Variants in DBF4 observed in about 807,000 individuals in gnomAD.
DBF4 encodes the protein DBF4-CDC7 kinase regulatory subunit.
In DBF4, 25 loss-of-function variants were observed where a neutral mutation model predicts 76.6. The observed-to-expected ratio is 0.33, with a 90% confidence interval of 0.24 to 0.46. The LOEUF is 0.46. DBF4 is among the 20% of genes least tolerant of loss of function. DBF4 has a pLI of 1.00. For missense variants in DBF4, 638 were observed against 760.8 expected, an observed-to-expected ratio of 0.84 and a Z score of 1.90; for synonymous variants, 213 against 258.0, an observed-to-expected ratio of 0.83 and a Z score of 1.67.
At chr7:87,906,329 T>G (rs554330662) in intron 11 of DBF4, among the ~76,000 whole-genome samples, 14 of 151,920 alleles carry the variant, frequency 9.2e-5, no homozygotes, top group African/African-American at 2.6e-4. Flanking sequence ...AGTAGTTTTT[T>G]TTTTTTTTTT....
chr7:87,881,741 A>G (rs1048681371), intron 2 of DBF4, among the ~76,000 whole-genome samples: 23 of 152,256 alleles, frequency 1.5e-4, no homozygotes, highest in Non-Finnish European at 2.6e-4. Flanking sequence ...TGGAAACCTC[A>G]GACAACTGAA....
chr7:87,901,580 G>C (rs936984725), intron 10 of DBF4, among the ~76,000 whole-genome samples: 1 of 152,196 alleles, frequency 6.6e-6, no homozygotes, highest in African/African-American at 2.4e-5. Context: ...ATAATGGGAA[G>C]AGAAGAGTTG....
chr7:87,879,846 G>A lies in DBF4; in HGVS notation c.219+1621G>A, dbSNP rs118035945. On this transcript the variant is annotated intron_variant, in intron 2 of 11. Transcript: ENST00000265728. The stretch of plus-strand genomic sequence containing the variant: ...TGCATGCCTGTAGTCCCAGCTATTC[G>A]GGAGGCCGAGGCATGAGCATCACTT... 7.0e-3 allele frequency among the ~76,000 whole-genome samples: 1,069 copies of A among 151,996 alleles called. 9 individuals carry two copies. The highest frequency in any genetic ancestry group is 0.049 in the East Asian group (255 of 5,170).
intron 5 of DBF4, 76 bp downstream of exon 5, chr7:87,887,474 A>G (rs1839386951): frequency 1.4e-6 from 2 of 1,443,958 alleles, no homozygotes; most frequent in African/African-American, 1.4e-5. Flanking sequence ...CTGACTTTAC[A>G]TAGTGAAATT....
intron 2 of DBF4, chr7:87,878,435 T>A (rs1007630893): frequency 1.1e-5 from 5 of 468,198 alleles, no homozygotes; most frequent in Admixed American, 3.9e-5. Flanking sequence ...AGCAGTCTAG[T>A]GTAAAGTTCT....
At chr7:87,899,917 A>T (rs1839730281) in intron 8 of DBF4, among the ~76,000 whole-genome samples, 1 of 152,186 alleles carries the variant, frequency 6.6e-6, no homozygotes, top group Non-Finnish European at 1.5e-5. Flanking sequence ...GCAAGATGAA[A>T]ATACGTCATC....
intron 5 of DBF4, 121 bp from the exon 6 acceptor site, chr7:87,887,862 C>T (rs1839396521): frequency 3.1e-6 from 3 of 976,578 alleles, no homozygotes; most frequent in South Asian, 1.8e-5. Context: ...AACATTCAGA[C>T]CATAGCATAA....
chr7:87,879,612 C>T (rs1839161470), intron 2 of DBF4, among the ~76,000 whole-genome samples: 1 of 152,050 alleles, frequency 6.6e-6, no homozygotes, highest in African/African-American at 2.4e-5. Context: ...TCTTAATTCC[C>T]ACAGCAACAT....
intron 7 of DBF4, 91 bp downstream of exon 7, chr7:87,896,601 AT>A: frequency 8.6e-7 from 1 of 1,169,426 alleles, no homozygotes; most frequent in Non-Finnish European, 1.2e-6. Context: ...CCTCTAAATG[AT>A]TTATTCAAGG....
intron 2 of DBF4, among the ~76,000 whole-genome samples, chr7:87,879,252 T>C (rs1219108454): frequency 6.6e-6 from 1 of 152,182 alleles, no homozygotes; most frequent in Non-Finnish European, 1.5e-5. Flanking sequence ...GCCCAGCCGA[T>C]TCCCAGACTA....
intron 2 of DBF4, among the ~76,000 whole-genome samples, chr7:87,883,450 TAGG>T (rs951806576): frequency 6.6e-5 from 10 of 152,174 alleles, no homozygotes; most frequent in Admixed American, 3.9e-4. Flanking sequence ...TAAAAGTGTA[TAGG>T]AGATCGGGTT....
At chr7:87,880,236 T>A (rs1286880059) in intron 2 of DBF4, among the ~76,000 whole-genome samples, 2 of 152,210 alleles carry the variant, frequency 1.3e-5, no homozygotes, top group African/African-American at 4.8e-5. Context: ...CAGCAGTTCC[T>A]GAGGTAATTG....
chr7:87,892,154 CTA>C (rs2131057796), intron 6 of DBF4, among the ~76,000 whole-genome samples: 1 of 152,330 alleles, frequency 6.6e-6, no homozygotes, highest in South Asian at 2.1e-4. Context: ...GTTGTACATT[CTA>C]TGAGTTTTGA....
chr7:87,887,223 A>G, intron 4 of DBF4, 106 bp from the exon 5 acceptor site: 1 of 949,814 alleles, frequency 1.1e-6, no homozygotes, highest in Non-Finnish European at 1.6e-6. Flanking sequence ...GTCTGTTACA[A>G]ATAACTGCCT....
intron 10 of DBF4, among the ~76,000 whole-genome samples, chr7:87,902,849 TAATAA>T (rs1839821811): frequency 6.6e-6 from 1 of 152,212 alleles, no homozygotes; most frequent in South Asian, 2.1e-4. Context: ...TTTAGAAATG[TAATAA>T]AATCATCAAA....
At chr7:87,901,881 A>G (rs1196715737) in intron 10 of DBF4, among the ~76,000 whole-genome samples, 1 of 152,222 alleles carries the variant, frequency 6.6e-6, no homozygotes, top group East Asian at 1.9e-4. Flanking sequence ...AAGGGGAAAG[A>G]ATAATACTGG....
At chr7:87,889,895 CTA>C (rs1839443946) in intron 6 of DBF4, among the ~76,000 whole-genome samples, 1 of 152,170 alleles carries the variant, frequency 6.6e-6, no homozygotes. Context: ...ATTTAAATGA[CTA>C]TTTCCAAATT....
intron 6 of DBF4, among the ~76,000 whole-genome samples, chr7:87,890,785 C>T (rs575321314): frequency 1.3e-5 from 2 of 152,236 alleles, no homozygotes; most frequent in South Asian, 4.2e-4. Flanking sequence ...TGCTATGTGC[C>T]ATGCAGTAGG....
At chr7:87,888,669 T>TTG (rs1305555209) in intron 6 of DBF4, among the ~76,000 whole-genome samples, 1 of 152,222 alleles carries the variant, frequency 6.6e-6, no homozygotes, top group African/African-American at 2.4e-5. Context: ...TATCTAATCC[T>TTG]TGTAATTCCT....
Sources: gnomAD v4.1 joint callset for allele counts (sites outside exome capture counted in the v4.1 genomes callset) on GRCh38, gnomAD v4.1.1 for gene constraint, MANE v1.5 for transcripts, NCBI Gene and HGNC (gene_info 2026-07-23, HGNC 2026-07-21) for gene names.